The following MARCHF1 variants were observed in gnomAD, a reference collection of about 807,000 sequenced individuals.
The protein encoded by MARCHF1 is E3 ubiquitin-protein ligase MARCHF1.
MARCHF1 carries 40 observed loss-of-function variants against 54.2 expected under a neutral mutation model. The observed-to-expected ratio is 0.74, with a 90% CI of 0.57 to 0.96. MARCHF1 has a LOEUF of 0.96. Ranked by LOEUF, MARCHF1 falls within the 40% of genes least tolerant of loss-of-function variation. The pLI, the probability that MARCHF1 is intolerant of heterozygous loss-of-function variation, is 0.00. For missense variants in MARCHF1, 586 were observed against 656.5 expected (o/e 0.89, Z 1.17); for synonymous variants, 236 against 236.3 (o/e 1.00, Z 0.01).
chr4:164,195,589 C>T (rs1731233746), intron 1 of MARCHF1, among the ~76,000 whole-genome samples: 1 of 152,146 alleles, frequency 6.6e-6, no homozygotes, highest in Non-Finnish European at 1.5e-5. Context: ...AGCTCTATGA[C>T]TCCCTGACTT....
At chr4:163,994,073 G>C (rs1350891691) in intron 2 of MARCHF1, among the ~76,000 whole-genome samples, 1 of 152,018 alleles carries the variant, frequency 6.6e-6, no homozygotes, top group Non-Finnish European at 1.5e-5. Context: ...AGCTGAACAA[G>C]GAGCAAAATA....
At chr4:164,165,935 A>G (rs1730369127) in intron 1 of MARCHF1, among the ~76,000 whole-genome samples, 1 of 151,996 alleles carries the variant, frequency 6.6e-6, no homozygotes, top group Non-Finnish European at 1.5e-5. Context: ...GTGAAATGCC[A>G]TTTCAGTTGC....
At chr4:164,357,702 T>C (rs1173901228) in intron 1 of MARCHF1, among the ~76,000 whole-genome samples, 2 of 152,166 alleles carry the variant, frequency 1.3e-5, no homozygotes, top group Non-Finnish European at 2.9e-5. Flanking sequence ...AATCTTATAA[T>C]GATGAAGGCA....
intron 2 of MARCHF1, among the ~76,000 whole-genome samples, chr4:164,021,412 T>G (rs868102391): frequency 3.3e-5 from 5 of 152,190 alleles, no homozygotes; most frequent in African/African-American, 1.2e-4. Flanking sequence ...CCATCCCATT[T>G]TTTATTTACT....
chr4:164,236,166 A>G (rs993342641), intron 1 of MARCHF1, among the ~76,000 whole-genome samples: 2 of 152,150 alleles, frequency 1.3e-5, no homozygotes, highest in African/African-American at 4.8e-5. Flanking sequence ...CCACTAGTTT[A>G]TGCTCTATAA....
chr4:164,118,954 T>A (rs10517798), intron 1 of MARCHF1, among the ~76,000 whole-genome samples: 103,090 of 148,734 alleles, frequency 0.69, 37,487 homozygotes, highest in Non-Finnish European at 0.82. Context: ...ATGAAAAAAA[T>A]ATAATACGGG....
At chr4:164,112,446 C>T (rs906176490) in intron 1 of MARCHF1, among the ~76,000 whole-genome samples, 2 of 151,080 alleles carry the variant, frequency 1.3e-5, no homozygotes, top group African/African-American at 4.9e-5. Context: ...AGAATGATCA[C>T]AAGAAAGTAT....
intron 5 of MARCHF1, 167 bp from the exon 6 acceptor site, chr4:163,613,560 G>A (rs1022732147): frequency 6.5e-7 from 1 of 1,532,454 alleles, no homozygotes; most frequent in Non-Finnish European, 8.8e-7. Context: ...TTTTGCAAAA[G>A]TAAAACTTAT....
chr4:163,909,487 G>T (rs1029035123), intron 3 of MARCHF1, among the ~76,000 whole-genome samples: 6 of 152,280 alleles, frequency 3.9e-5, no homozygotes, highest in African/African-American at 1.4e-4. Context: ...AAGGGAAAGA[G>T]AAAAACTTTC....
chr4:164,072,544 G>T (rs1015174434), intron 2 of MARCHF1, among the ~76,000 whole-genome samples: 10 of 152,058 alleles, frequency 6.6e-5, no homozygotes, highest in African/African-American at 2.4e-4. Flanking sequence ...CTAGGCGACA[G>T]AGTGAGACTC....
In MARCHF1 at chr4:164,219,478, A is replaced by G. The variant is rs369916663; in HGVS notation, c.-322-107816T>C. 2.0e-5 allele frequency among the ~76,000 whole-genome samples: 3 copies of G among 152,152 alleles called. No homozygotes were observed. The East Asian group carries it at 5.8e-4, about 29-fold the overall frequency. ...TTTGAATCATAACAATGAAGAATCA[A>G]TTATAAAACTTGAAATTCCAGTGTG... On this transcript the variant is annotated intron_variant, in intron 1 of 9. Transcript: ENST00000514618.
At chr4:163,619,395 T>C (rs192160002) in intron 5 of MARCHF1, among the ~76,000 whole-genome samples, 52 of 152,218 alleles carry the variant, frequency 3.4e-4, no homozygotes, top group African/African-American at 1.2e-3. Flanking sequence ...TTTTAAGATA[T>C]GGTAAAAATA....
intron 4 of MARCHF1, among the ~76,000 whole-genome samples, chr4:163,752,748 A>G (rs1490653203): frequency 6.6e-6 from 1 of 152,200 alleles, no homozygotes; most frequent in African/African-American, 2.4e-5. Context: ...TGTTTGATAA[A>G]TGTTTGAAGC....
intron 4 of MARCHF1, among the ~76,000 whole-genome samples, chr4:163,812,974 T>C (rs1048051071): frequency 1.3e-5 from 2 of 152,156 alleles, no homozygotes; most frequent in Non-Finnish European, 2.9e-5. Context: ...TTATATATGG[T>C]TCATGTCAGC....
Position 164,160,144 on chromosome 4 carries a change from A to G in MARCHF1, c.-322-48482T>C, listed in dbSNP as rs551494847. 3.3e-5 allele frequency among the ~76,000 whole-genome samples: 5 copies of G among 152,240 alleles called. No individual in the cohort carries two copies. In the South Asian group the frequency reaches 1.0e-3, roughly 32 times the overall value. ...ATGGTTTTATTACTTTTCAAATTCG[A>G]TATTTTTATTAGAAATACAGTCATG... On this transcript the variant is annotated intron_variant, in intron 1 of 9. Coordinates refer to ENST00000514618, the MANE Select transcript of MARCHF1 (RefSeq NM_001394959.1).
intron 3 of MARCHF1, among the ~76,000 whole-genome samples, chr4:163,954,369 T>C (rs766155769): frequency 4.5e-4 from 68 of 152,272 alleles, no homozygotes; most frequent in Admixed American, 1.7e-3. Context: ...ATGATTAATA[T>C]AGCAAATTTC....
chr4:163,573,527 T>C (rs1191998994), intron 8 of MARCHF1, among the ~76,000 whole-genome samples: 1 of 143,204 alleles, frequency 7.0e-6, no homozygotes, highest in East Asian at 2.1e-4. Flanking sequence ...GTGATCTCAT[T>C]GTTCAGTTCC....
intron 3 of MARCHF1, among the ~76,000 whole-genome samples, chr4:163,863,460 C>T (rs775149985): frequency 1.3e-5 from 2 of 151,932 alleles, no homozygotes; most frequent in Non-Finnish European, 2.9e-5. Flanking sequence ...AGTAGAAGAT[C>T]GGGTTTTTAA....
intron 3 of MARCHF1, among the ~76,000 whole-genome samples, chr4:163,939,351 T>C (rs944095364): frequency 3.9e-5 from 6 of 152,206 alleles, no homozygotes; most frequent in African/African-American, 1.2e-4. Context: ...TAAAGCTTGA[T>C]ACTGGATAAG....
Sources: allele counts gnomAD v4.1 joint callset (sites outside exome capture counted in the v4.1 genomes callset), GRCh38; gene constraint gnomAD v4.1.1; transcripts MANE v1.5; gene names NCBI Gene and HGNC (gene_info 2026-07-23, HGNC 2026-07-21).